NFXL1: variants seen among roughly 807,000 people sequenced by gnomAD.
NFXL1 encodes the protein NF-X1-type zinc finger protein NFXL1.
NFXL1 carries 66 observed loss-of-function variants against 123.3 expected under a neutral mutation model. The observed-to-expected ratio is 0.54, with a 90% CI of 0.44 to 0.66. NFXL1 has a LOEUF of 0.66. Among genes scored for constraint, NFXL1 ranks in the 30% least tolerant of loss-of-function variants. The pLI, the probability that NFXL1 is intolerant of heterozygous loss-of-function variation, is 0.00. For synonymous variants in NFXL1, 346 were observed against 360.8 expected (o/e 0.96, Z 0.46); for missense variants, 944 against 1,125.6 (o/e 0.84, Z 2.31).
intron 19 of NFXL1, among the ~76,000 whole-genome samples, chr4:47,859,745 GGCAGGAGAATC>G (rs986844867): frequency 1.3e-5 from 2 of 150,080 alleles, no homozygotes; most frequent in African/African-American, 4.9e-5. Flanking sequence ...AGGCAGCTGA[GGCAGGAGAATC>G]GCTTGAACCT....
At chr4:47,906,821 T>C (rs1233879382) in intron 3 of NFXL1, among the ~76,000 whole-genome samples, 3 of 152,194 alleles carry the variant, frequency 2.0e-5, no homozygotes, top group African/African-American at 4.8e-5. Context: ...ATCAATAAAA[T>C]GTACTGCCCA....
intron 18 of NFXL1, among the ~76,000 whole-genome samples, chr4:47,870,563 T>C (rs569922208): frequency 6.6e-6 from 1 of 151,942 alleles, no homozygotes; most frequent in South Asian, 2.1e-4. Flanking sequence ...AAATCCATTA[T>C]GAGGCAAAAG....
At position 47,896,445 on chromosome 4, in the gene NFXL1, AAAC is replaced by A. The variant is rs948846073; in HGVS notation, c.1329+75_1329+77del. 6.8e-6 allele frequency: 8 copies of A among 1,177,768 alleles called. No homozygotes were observed. The East Asian group carries it at 1.2e-4, about 17-fold the overall frequency. 73.0% of individuals were successfully genotyped at this position (1,177,768 alleles called of 1,614,324 possible). ...GATGTATATGAAAATAAGTAATAGA[AAAC>A]AACCACAGGACAATCTCATTTGATA... On this transcript the variant is annotated intron_variant, in intron 10 of 22. Coordinates refer to ENST00000507489, the MANE Select transcript of NFXL1 (RefSeq NM_001278624.2).
intron 15 of NFXL1, among the ~76,000 whole-genome samples, chr4:47,881,840 G>A (rs1030829582): frequency 6.6e-6 from 1 of 152,152 alleles, no homozygotes; most frequent in African/African-American, 2.4e-5. Flanking sequence ...AAACTACAGA[G>A]ATAGTAAAAA....
At chr4:47,888,197 T>TGGG (rs1357351560) in intron 12 of NFXL1, among the ~76,000 whole-genome samples, 2 of 151,990 alleles carry the variant, frequency 1.3e-5, no homozygotes, top group Non-Finnish European at 2.9e-5. Flanking sequence ...TCACCTGAAA[T>TGGG]GGGGAGTCAG....
In NFXL1 at chr4:47,851,947, A is replaced by AAACAACCCGAATAC; in HGVS notation, c.2422-6_2422-5insGTATTCGGGTTGTT. 1.3e-6 allele frequency: 2 copies of AAACAACCCGAATAC among 1,597,504 alleles called. No homozygotes were observed. The highest frequency in any genetic ancestry group is 1.7e-6 in the Non-Finnish European group (2 of 1,166,756). ...TACTTTGTTGCACTGCAATTCCTAC[A>AAACAACCCGAATAC]AACAACCCGATTTTCAAATTTTAAA... On this transcript the variant is annotated splice_polypyrimidine_tract_variant and splice_region_variant and intron_variant, in intron 20 of 22. Transcript: ENST00000507489.
chr4:47,894,204 A>G lies in NFXL1; in HGVS notation c.1428T>C (p.Cys476=). ...CCTTTCTTCTACATTGATGCTTCTG[A>G]CAGTCACGCATCTTAACACACTTAG... is the stretch of plus-strand genomic sequence containing the variant. ...CETKCVKMRD[C]QKHQCRRKCC... is the part of the protein sequence containing the mutation. The change falls in exon 11 of 23, where the codon TGT becomes TGC. Residue 476 remains cysteine, a synonymous_variant. Transcript: ENST00000507489. 6.2e-7 allele frequency: 1 copy of G among 1,604,584 alleles called. No homozygotes were observed. The highest frequency in any genetic ancestry group is 1.1e-5 in the South Asian group (1 of 89,592).
In NFXL1 at chr4:47,861,753, CTCT is replaced by C. The variant is rs1477235655; in HGVS notation, c.2316+1090_2316+1092del. On this transcript the variant is annotated intron_variant, in intron 19 of 22. Transcript: ENST00000507489. Reference sequence around the variant, plus strand: ...AACCATTTATTACTTCAAATGGCCTCTCTTCTTATAATCTTACATAAATTTAAA... The same window carrying C: ...AACCATTTATTACTTCAAATGGCCTCTCTTATAATCTTACATAAATTTAAA... Among the ~76,000 whole-genome samples, 4 of 152,296 alleles carry C rather than the reference CTCT, an allele frequency of 2.6e-5. No individual in the cohort carries two copies. The East Asian group carries it at 7.7e-4, about 29-fold the overall frequency.
rs760516095 is a variant in NFXL1, at chr4:47,905,332, CACGTGTATCTCCATCTGGAAATTTAAA to C, written c.407-13_420del. ...ACATATTGTTTTGTTCGCTCTAATT[CACGTGTATCTCCATCTGGAAATTTAAA>C]GATTGAAAATCTCACCCTAAACAAC... is the stretch of plus-strand genomic sequence containing the variant. On this transcript the variant is annotated splice_acceptor_variant and splice_polypyrimidine_tract_variant and coding_sequence_variant and intron_variant, in exon 4 of 23. Coordinates refer to ENST00000507489, the MANE Select transcript of NFXL1 (RefSeq NM_001278624.2). LOFTEE classifies it high-confidence loss of function. The C allele has an allele frequency of 6.4e-7, 1 of 1,557,556 alleles. No individual in the cohort carries two copies. The highest frequency in any genetic ancestry group is 1.1e-5 in the South Asian group (1 of 89,124).
chr4:47,854,077 G>A (rs1014490018), intron 20 of NFXL1, among the ~76,000 whole-genome samples: 1 of 151,960 alleles, frequency 6.6e-6, no homozygotes, highest in Admixed American at 6.6e-5. Flanking sequence ...GGTACAGGGG[G>A]TCAATTTAAA....
At chr4:47,898,696 T>C (rs140072847) in intron 8 of NFXL1, 61 bp downstream of exon 8, 4 of 1,107,958 alleles carry the variant, frequency 3.6e-6, no homozygotes, top group East Asian at 4.7e-5. Flanking sequence ...TGCTGCTTTC[T>C]AGGTTGTCTA....
intron 4 of NFXL1, among the ~76,000 whole-genome samples, chr4:47,904,193 A>G (rs1737463046): frequency 6.6e-6 from 1 of 152,196 alleles, no homozygotes; most frequent in Admixed American, 6.5e-5. Context: ...CAGAAGCTCA[A>G]TCCTCCAGGG....
At chr4:47,876,339 G>C (rs1175665465) in intron 17 of NFXL1, among the ~76,000 whole-genome samples, 4 of 152,034 alleles carry the variant, frequency 2.6e-5, no homozygotes, top group Non-Finnish European at 5.9e-5. Flanking sequence ...GCAGCAACAA[G>C]AAGGAAGCCT....
At position 47,884,456 on chromosome 4, in the gene NFXL1, A is replaced by T. The variant is rs959794482; in HGVS notation, c.1825-19T>A. On this transcript the variant is annotated intron_variant, in intron 14 of 22. Transcript: ENST00000507489. ...GCTGGTGCTACAAATAAAATACATA[A>T]GAATTTTAAGTCAGAGGGATTAAAT... 2 of 1,458,360 alleles carry T rather than the reference A, an allele frequency of 1.4e-6. No individual in the cohort carries two copies. The highest frequency in any genetic ancestry group is 1.9e-6 in the Non-Finnish European group (2 of 1,049,440). 90.3% of individuals were successfully genotyped at this position (1,458,360 alleles called of 1,614,324 possible). A position where few individuals can be genotyped will look rare whatever the true frequency, so the allele number is the denominator to read the frequency against.
intron 12 of NFXL1, among the ~76,000 whole-genome samples, chr4:47,887,164 C>T (rs1421585660): frequency 6.6e-6 from 1 of 152,164 alleles, no homozygotes; most frequent in African/African-American, 2.4e-5. Context: ...CTGTCATCAT[C>T]TTAAGGGCTT....
intron 18 of NFXL1, among the ~76,000 whole-genome samples, chr4:47,863,856 A>G (rs554758076): frequency 6.6e-6 from 1 of 151,570 alleles, no homozygotes; most frequent in African/African-American, 2.4e-5. Flanking sequence ...ACAATCTAAA[A>G]CTCCCTATCA....
chr4:47,848,397 A>G (rs1658863250), intron 22 of NFXL1, 61 bp from the exon 23 acceptor site: 1 of 1,297,264 alleles, frequency 7.7e-7, no homozygotes, highest in Non-Finnish European at 1.1e-6. Flanking sequence ...GAAAGTTTCC[A>G]TTTACATAAA....
At position 47,853,621 on chromosome 4, in the gene NFXL1, G is replaced by A. The variant is rs1455897839; in HGVS notation, c.2421+1438C>T. Among the ~76,000 whole-genome samples the A allele has an allele frequency of 2.0e-5, 3 of 151,918 alleles. No individual in the cohort carries two copies. In the East Asian group the frequency reaches 5.8e-4, roughly 29 times the overall value. On this transcript the variant is annotated intron_variant, in intron 20 of 22. Coordinates refer to ENST00000507489, the MANE Select transcript of NFXL1 (RefSeq NM_001278624.2). ...GGATTCTAGTAAGCAGAGAGCTAAAGGAAAAACATATTGTATTTTACACAG... is the reference window on the plus strand; with the variant it reads ...GGATTCTAGTAAGCAGAGAGCTAAAAGAAAAACATATTGTATTTTACACAG...
chr4:47,861,016 C>A (rs1158027347), intron 19 of NFXL1, among the ~76,000 whole-genome samples: 2 of 79,104 alleles, frequency 2.5e-5, no homozygotes, highest in Non-Finnish European at 6.3e-5. Flanking sequence ...CCACGTCAGG[C>A]TATTTTTTTT....
Sources: allele counts gnomAD v4.1 joint callset (sites outside exome capture counted in the v4.1 genomes callset), GRCh38; gene constraint gnomAD v4.1.1; transcripts MANE v1.5; gene names NCBI Gene and HGNC (gene_info 2026-07-23, HGNC 2026-07-21).